Variants in WDR76 observed in about 807,000 individuals in gnomAD.
WDR76 encodes WD repeat-containing protein 76.
WDR76 carries 52 observed loss-of-function variants against 70.2 expected under a neutral mutation model. The observed-to-expected ratio is 0.74, with a 90% confidence interval of 0.59 to 0.93. WDR76 has a LOEUF of 0.93. WDR76 is among the 40% of genes least tolerant of loss of function. The pLI is 0.00. For missense variants in WDR76, 756 were observed against 760.2 expected, an observed-to-expected ratio of 0.99 and a Z score of 0.07; for synonymous variants, 292 against 271.1, an observed-to-expected ratio of 1.08 and a Z score of -0.76.
At chr15:43,847,427 AT>A (rs920579891) in intron 8 of WDR76, among the ~76,000 whole-genome samples, 142 of 140,162 alleles carry the variant, frequency 1.0e-3, no homozygotes, top group Middle Eastern at 3.6e-3. Context: ...CACCTGGCTA[AT>A]TTTTTTTTTT....
intron 9 of WDR76, among the ~76,000 whole-genome samples, chr15:43,852,011 C>T (rs543007276): frequency 5.3e-5 from 8 of 152,228 alleles, no homozygotes; most frequent in Middle Eastern, 3.4e-3. Context: ...GTAGTAAAGC[C>T]GTGATCACAT....
chr15:43,865,672 G>A (rs533415888), intron 12 of WDR76, among the ~76,000 whole-genome samples: 44 of 152,284 alleles, frequency 2.9e-4, no homozygotes, highest in African/African-American at 1.1e-3. Flanking sequence ...CCAAAGTGCT[G>A]GGATGACAGG....
At position 43,866,005 on chromosome 15, in the gene WDR76, C is replaced by T. The variant is rs2088065629; in HGVS notation, c.1617-123C>T. 4 of 1,208,422 alleles carry T rather than the reference C, an allele frequency of 3.3e-6. No individual in the cohort carries two copies. The East Asian group carries it at 1.0e-4, about 31-fold the overall frequency. The allele number at this position is 1,208,422 out of a possible 1,614,324, so 74.9% of individuals were successfully genotyped here. A position where few individuals can be genotyped will look rare whatever the true frequency, so the allele number is the denominator to read the frequency against. The stretch of plus-strand genomic sequence containing the variant: ...GGTAAGGTTGGTGGTAACTCAGTAA[C>T]TTAATGAGAAGAAACTTGGCAGAGA... On this transcript the variant is annotated intron_variant, in intron 12 of 12. Transcript: ENST00000263795.
intron 2 of WDR76, among the ~76,000 whole-genome samples, chr15:43,829,754 C>A (rs1336520255): frequency 6.6e-6 from 1 of 151,930 alleles, no homozygotes; most frequent in Non-Finnish European, 1.5e-5. Context: ...GATCCGCCCG[C>A]CTCGGCCTCC....
Position 43,868,192 on chromosome 15 carries a change from T to C in WDR76, c.*1800T>C, listed in dbSNP as rs1337850824. ...AAAGCTAGGTGAGGTTGAGTTATAATTAAACTGTTCAGGAAACATCGTAAA... is the reference window on the plus strand; with the variant it reads ...AAAGCTAGGTGAGGTTGAGTTATAACTAAACTGTTCAGGAAACATCGTAAA... On this transcript the variant is annotated 3_prime_UTR_variant, in exon 13 of 13. Transcript: ENST00000263795. 6.6e-6 allele frequency: 1 copy of C among 152,220 alleles called. No homozygotes were observed. The highest frequency in any genetic ancestry group is 1.9e-4 in the East Asian group (1 of 5,204). 9.4% of individuals were successfully genotyped at this position (152,220 alleles called of 1,614,324 possible).
In WDR76 at chr15:43,828,379, TTAG is replaced by T; in HGVS notation, c.462+17_462+19del. ...CACACCATCCCTGGTAAGAACTTAATTAGTAGCTTGTTCTGGTTTCTCTTTTTT... is the reference window on the plus strand; with the variant it reads ...CACACCATCCCTGGTAAGAACTTAATTAGCTTGTTCTGGTTTCTCTTTTTT... On this transcript the variant is annotated intron_variant, in intron 2 of 12. Transcript: ENST00000263795. The T allele has an allele frequency of 1.3e-6, 2 of 1,573,222 alleles. No individual in the cohort carries two copies. The highest frequency in any genetic ancestry group is 1.7e-6 in the Non-Finnish European group (2 of 1,163,572).
chr15:43,841,962 G>T (rs956244166), intron 5 of WDR76, among the ~76,000 whole-genome samples: 1 of 151,982 alleles, frequency 6.6e-6, no homozygotes, highest in Non-Finnish European at 1.5e-5. Context: ...CCAACACCTG[G>T]GTTCACACGA....
chr15:43,834,759 T>C (rs538060399), intron 2 of WDR76, among the ~76,000 whole-genome samples: 1 of 152,290 alleles, frequency 6.6e-6, no homozygotes, highest in East Asian at 1.9e-4. Context: ...AAATAACTTT[T>C]GTGTAATAGT....
chr15:43,840,550 A>G (rs2087711922), intron 5 of WDR76, among the ~76,000 whole-genome samples: 1 of 152,212 alleles, frequency 6.6e-6, no homozygotes, highest in Non-Finnish European at 1.5e-5. Context: ...AATACTTTAT[A>G]TGTAAGTGTT....
At chr15:43,851,880 G>A (rs2087864302) in intron 9 of WDR76, among the ~76,000 whole-genome samples, 1 of 151,898 alleles carries the variant, frequency 6.6e-6, no homozygotes, top group Admixed American at 6.6e-5. Flanking sequence ...GATCAGCCTG[G>A]GCAACATAGT....
rs186284331 is a variant in WDR76, at chr15:43,858,846, T to C, written c.1562+23T>C. On this transcript the variant is annotated intron_variant, in intron 11 of 12. Transcript: ENST00000263795. ...GAGGTAAATTGGGAAGGCAGAAATG[T>C]TTTTAGGGAATCTAAAGAGTCTATA... 32 of 1,609,674 alleles carry C rather than the reference T, an allele frequency of 2.0e-5. No individual in the cohort carries two copies. The East Asian group carries it at 6.9e-4, about 35-fold the overall frequency.
At chr15:43,832,412 C>A (rs150319631) in intron 2 of WDR76, among the ~76,000 whole-genome samples, 1 of 149,536 alleles carries the variant, frequency 6.7e-6, no homozygotes, top group East Asian at 2.0e-4. Flanking sequence ...GATAACATGC[C>A]GAGGCCTGGG....
At chr15:43,834,767 A>C (rs2087634558) in intron 2 of WDR76, among the ~76,000 whole-genome samples, 1 of 152,298 alleles carries the variant, frequency 6.6e-6, no homozygotes, top group Admixed American at 6.5e-5. Context: ...TTTGTGTAAT[A>C]GTACAATTAA....
chr15:43,844,737 G>A (rs997142357), intron 8 of WDR76, among the ~76,000 whole-genome samples: 4 of 148,466 alleles, frequency 2.7e-5, no homozygotes, highest in Admixed American at 6.7e-5. Context: ...GTGAAACCGC[G>A]TCTCTACTAA....
At position 43,842,535 on chromosome 15, in the gene WDR76, A is replaced by G. The variant is rs775560809; in HGVS notation, c.834+19A>G. ...GAGCAAGGTATCACTTGGGAAGGCC[A>G]ATAGCCTTTAGAATCATCTGTTAAG... On this transcript the variant is annotated intron_variant, in intron 6 of 12. Transcript: ENST00000263795. 3.7e-6 allele frequency: 6 copies of G among 1,610,360 alleles called. No homozygotes were observed. In the African/African-American group the frequency reaches 6.7e-5, roughly 18 times the overall value.
intron 8 of WDR76, among the ~76,000 whole-genome samples, chr15:43,849,089 C>T (rs371254994): frequency 2.0e-5 from 3 of 149,360 alleles, no homozygotes; most frequent in Admixed American, 6.7e-5. Flanking sequence ...ACAGGAGAAT[C>T]GCTTGAACCT....
At chr15:43,853,310 C>T (rs1039136066) in intron 9 of WDR76, among the ~76,000 whole-genome samples, 1 of 152,100 alleles carries the variant, frequency 6.6e-6, no homozygotes, top group Non-Finnish European at 1.5e-5. Flanking sequence ...CCCACCTAAG[C>T]CTCCTGAGTA....
At chr15:43,865,005 A>G (rs943062382) in intron 12 of WDR76, among the ~76,000 whole-genome samples, 9 of 151,780 alleles carry the variant, frequency 5.9e-5, no homozygotes, top group Non-Finnish European at 1.2e-4. Flanking sequence ...GCTCGCTGCA[A>G]CCTCCACCTC....
chr15:43,827,207 T>C, intron 1 of WDR76, 115 bp downstream of exon 1: 1 of 1,335,962 alleles, frequency 7.5e-7, no homozygotes, highest in Non-Finnish European at 1.1e-6. Context: ...AGGCGGGGGA[T>C]CCCTGCCCTT....
Sources: gnomAD v4.1 joint callset for allele counts (sites outside exome capture counted in the v4.1 genomes callset) on GRCh38, gnomAD v4.1.1 for gene constraint, MANE v1.5 for transcripts, NCBI Gene and HGNC (gene_info 2026-07-23, HGNC 2026-07-21) for gene names.